WNT3: variants seen among roughly 807,000 people sequenced by gnomAD.
WNT3 encodes proto-oncogene Wnt-3.
A neutral mutation model predicts 34.2 loss-of-function variants in WNT3; 7 were observed. The ratio of observed to expected loss-of-function variants is 0.20; its 90% CI spans 0.12 to 0.38. The LOEUF is 0.38. Among genes scored for constraint, WNT3 ranks in the 10% least tolerant of loss-of-function variants. The pLI is 1.00. For missense variants in WNT3, 267 were observed against 499.8 expected (o/e 0.53, Z 4.44); for synonymous variants, 212 against 211.5 (o/e 1.00, Z -0.02).
rs757213194 is a variant in WNT3, at chr17:46,769,792, C to G, written c.579G>C (p.Ala193=). The G allele has an allele frequency of 1.2e-5, 20 of 1,611,266 alleles. No homozygotes were observed. The highest frequency in any genetic ancestry group is 1.6e-5 in the Non-Finnish European group (19 of 1,179,876). Residue 193 remains alanine, a synonymous_variant, in exon 3 of 5, where the codon GCG becomes GCC. Coordinates refer to ENST00000225512, the MANE Select transcript of WNT3 (RefSeq NM_030753.5). ...RSAMNKHNNE[A]GRTTILDHMH... ...GGGTAGCCGGGCTCACCGTGCGGCC[C>G]GCCTCGTTGTTGTGCTTGTTCATGG...
intron 1 of WNT3, among the ~76,000 whole-genome samples, chr17:46,814,684 T>TA (rs1317943067): frequency 2.0e-5 from 3 of 152,222 alleles, no homozygotes; most frequent in Admixed American, 2.0e-4. Context: ...TCCTGCCTGT[T>TA]ACAAGTGTTA....
chr17:46,811,428 G>A lies in WNT3; in HGVS notation c.80+7090C>T, dbSNP rs1035141083. ...TAGTTTGACATGAGGGTATGGGGCC[G>A]TGCCTGCTGGCAGAACCGTTGTGCA... is the stretch of plus-strand genomic sequence containing the variant. On this transcript the variant is annotated intron_variant, in intron 1 of 4. Transcript: ENST00000225512. Among the ~76,000 whole-genome samples, 4 of 152,200 alleles carry A rather than the reference G, an allele frequency of 2.6e-5. 1 individual carries two copies. The highest frequency in any genetic ancestry group is 1.3e-4 in the Admixed American group (2 of 15,274).
intron 1 of WNT3, 147 bp from the exon 2 acceptor site, chr17:46,774,056 G>GCCCCTCAAAGCGCCCCTCAAA: frequency 8.3e-7 from 1 of 1,204,076 alleles, no homozygotes; most frequent in Non-Finnish European, 1.2e-6. Context: ...TTTGACCTCG[G>GCCCCTCAAAGCGCCCCTCAAA]GAGCATGCCG....
At chr17:46,803,106 C>A (rs572516306) in intron 1 of WNT3, among the ~76,000 whole-genome samples, 1 of 152,340 alleles carries the variant, frequency 6.6e-6, no homozygotes, top group South Asian at 2.1e-4. Flanking sequence ...AGGACGCTGG[C>A]TGATGTCTGC....
chr17:46,777,196 C>T (rs1021603884), intron 1 of WNT3, among the ~76,000 whole-genome samples: 1 of 151,806 alleles, frequency 6.6e-6, no homozygotes, highest in Non-Finnish European at 1.5e-5. Flanking sequence ...GGCGACAGAG[C>T]GAGACTTCGT....
intron 1 of WNT3, among the ~76,000 whole-genome samples, chr17:46,811,882 G>A (rs913873200): frequency 2.0e-5 from 3 of 152,172 alleles, no homozygotes; most frequent in Admixed American, 6.5e-5. Context: ...GCTTGAACTC[G>A]GGAGGCAGAA....
At chr17:46,807,914 G>A (rs941618136) in intron 1 of WNT3, among the ~76,000 whole-genome samples, 3 of 152,202 alleles carry the variant, frequency 2.0e-5, no homozygotes, top group African/African-American at 7.2e-5. Flanking sequence ...GCTCCTCGGG[G>A]AGAAATAAAG....
chr17:46,766,322 C>T (rs951294110), intron 4 of WNT3, among the ~76,000 whole-genome samples: 1 of 151,962 alleles, frequency 6.6e-6, no homozygotes, highest in Admixed American at 6.6e-5. Context: ...GCAGGAGAAT[C>T]GCTTGAACCC....
chr17:46,797,690 C>G lies in WNT3; in HGVS notation c.80+20828G>C, dbSNP rs56243738. Among the ~76,000 whole-genome samples the G allele has an allele frequency of 3.0e-3, 456 of 152,286 alleles. 1 individual carries two copies. The highest frequency in any genetic ancestry group is 0.01 in the African/African-American group (425 of 41,552). On this transcript the variant is annotated intron_variant, in intron 1 of 4. Coordinates refer to ENST00000225512, the MANE Select transcript of WNT3 (RefSeq NM_030753.5). ...TTTCCCTGCTGTGCACAGCGAGATG[C>G]ACATCCATGGCCAGGAGACAAAATA...
At chr17:46,793,377 G>A (rs2084012962) in intron 1 of WNT3, among the ~76,000 whole-genome samples, 1 of 151,480 alleles carries the variant, frequency 6.6e-6, no homozygotes, top group South Asian at 2.1e-4. Flanking sequence ...GGAAGGAAGT[G>A]CTCAGGTCCT....
chr17:46,818,529 G>A lies in WNT3; in HGVS notation c.69C>T (p.Tyr23=), dbSNP rs939726074. 26 of 1,607,720 alleles carry A rather than the reference G, an allele frequency of 1.6e-5. No individual in the cohort carries two copies. Among genetic ancestry groups the A allele is most frequent in the Non-Finnish European group, 2.2e-5 (26 of 1,178,054 alleles). ...LLGGTRVLAG[Y]PIWWSLALGQ... ...GAGGCGAGTCTTACCACCAAATTGG[G>A]TAGCCAGCGAGGACCCTGGTGCCAC... The change falls in exon 1 of 5, where the codon TAC becomes TAT. Residue 23 remains tyrosine (Y), a synonymous_variant. Transcript: ENST00000225512.
Position 46,763,014 on chromosome 17 carries a change from G to A in WNT3, c.*1616C>T, listed in dbSNP as rs957327696. 1.3e-5 allele frequency: 2 copies of A among 152,122 alleles called. No homozygotes were observed. Among genetic ancestry groups the A allele is most frequent in the African/African-American group, 4.8e-5 (2 of 41,408 alleles). 9.4% of individuals were successfully genotyped at this position (152,122 alleles called of 1,614,324 possible). A position where few individuals can be genotyped will look rare whatever the true frequency, so the allele number is the denominator to read the frequency against. ...TGGGGAGGGGCATTTCAGACTTGGCGGAGGGGGTGAGATGTGTATCTTTAG... is the reference window on the plus strand; with the variant it reads ...TGGGGAGGGGCATTTCAGACTTGGCAGAGGGGGTGAGATGTGTATCTTTAG... On this transcript the variant is annotated 3_prime_UTR_variant, in exon 5 of 5. Transcript: ENST00000225512.
chr17:46,779,812 T>C (rs2059444999), intron 1 of WNT3, among the ~76,000 whole-genome samples: 1 of 151,874 alleles, frequency 6.6e-6, no homozygotes, highest in South Asian at 2.1e-4. Context: ...CGGGCTGGAG[T>C]ACAAAGCGTG....
In WNT3 at chr17:46,768,384, T is replaced by A; in HGVS notation, c.1004A>T (p.His335Leu). 6.2e-7 allele frequency: 1 copy of A among 1,613,820 alleles called. No homozygotes were observed. The highest frequency in any genetic ancestry group is 8.5e-7 in the Non-Finnish European group (1 of 1,180,016). The change falls in exon 4 of 5, where the codon CAC (histidine) becomes CTC (leucine). Residue 335 changes from histidine to leucine, a missense_variant. By Grantham distance (99) the His-to-Leu change is moderately conservative. Coordinates refer to ENST00000225512, the MANE Select transcript of WNT3 (RefSeq NM_030753.5). This position sits in a 1 kb window ranked among gnomAD's most constrained non-coding sequence, Gnocchi z 5.0. Reference sequence around the variant, plus strand: ...CTGGCAGCTGACGTAGCAGCACCAGTGGAAGATGCAGTGGCATTTTTCCTT... The same window carrying A: ...CTGGCAGCTGACGTAGCAGCACCAGAGGAAGATGCAGTGGCATTTTTCCTT... ...KRKEKCHCIF[H>L]WCCYVSCQEC...
chr17:46,800,112 T>C lies in WNT3; in HGVS notation c.80+18406A>G, dbSNP rs115600460. 7.7e-3 allele frequency among the ~76,000 whole-genome samples: 1,169 copies of C among 152,038 alleles called. 17 individuals are homozygous for C. Among genetic ancestry groups the C allele is most frequent in the African/African-American group, 0.027 (1,108 of 41,444 alleles). On this transcript the variant is annotated intron_variant, in intron 1 of 4. Coordinates refer to ENST00000225512, the MANE Select transcript of WNT3 (RefSeq NM_030753.5). ...GCCAAGTGCTAACAGAATTCCTATT[T>C]ATTTATTTATTTATTGGAGATGGAG...
intron 1 of WNT3, among the ~76,000 whole-genome samples, chr17:46,810,158 C>G (rs1293549236): frequency 6.6e-6 from 1 of 152,022 alleles, no homozygotes; most frequent in African/African-American, 2.4e-5. Flanking sequence ...AGGCTCCCAC[C>G]ACCACGCCCA....
intron 2 of WNT3, among the ~76,000 whole-genome samples, chr17:46,773,055 G>T (rs72628337): frequency 6.6e-6 from 1 of 152,040 alleles, no homozygotes; most frequent in African/African-American, 2.4e-5. Context: ...GGGCCTGCAG[G>T]TTCAAAGTCA....
At chr17:46,806,601 C>G (rs765726877) in intron 1 of WNT3, among the ~76,000 whole-genome samples, 2 of 152,208 alleles carry the variant, frequency 1.3e-5, no homozygotes, top group African/African-American at 2.4e-5. Context: ...GTCACAGACT[C>G]CATCCTTACT....
chr17:46,794,252 A>G (rs1355320151), intron 1 of WNT3, among the ~76,000 whole-genome samples: 1 of 152,144 alleles, frequency 6.6e-6, no homozygotes, highest in Non-Finnish European at 1.5e-5. Flanking sequence ...GATGTCACAT[A>G]AAACTCCAAA....
Sources: gnomAD v4.1 joint callset for allele counts (sites outside exome capture counted in the v4.1 genomes callset) on GRCh38, gnomAD v4.1.1 for gene constraint, Gnocchi (gnomAD v3.1) non-coding constraint, MANE v1.5 for transcripts, NCBI Gene and HGNC (gene_info 2026-07-23, HGNC 2026-07-21) for gene names.